The following MAP3K10 variants were observed in gnomAD, a reference collection of about 807,000 sequenced individuals.
MAP3K10 encodes the protein MKN28 derived nonreceptor_type serine/threonine kinase.
MAP3K10 carries 22 observed loss-of-function variants against 75.0 expected under a neutral mutation model. The observed-to-expected ratio is 0.29, with a 90% CI of 0.21 to 0.42. The LOEUF is 0.42. Among genes scored for constraint, MAP3K10 ranks in the 10% least tolerant of loss-of-function variants. The pLI is 1.00. For synonymous variants in MAP3K10, 599 were observed against 612.9 expected (o/e 0.98, Z 0.34); for missense variants, 1,165 against 1,379.8 (o/e 0.84, Z 2.47).
At position 40,213,914 on chromosome 19, in the gene MAP3K10, C is replaced by T. The variant is rs1453919423; in HGVS notation, c.2235C>T (p.Thr745=). ...GCCTGGGCCTGGCGCCCTCGGCCAC[C>T]CTCGTGTCGCTGTCGTCCGTGTCCG... ...GPGLGLAPSA[T]LVSLSSVSDC... Residue 745 remains threonine (T), a synonymous_variant, in exon 9 of 10, where the codon ACC becomes ACT. Coordinates refer to ENST00000253055, the MANE Select transcript of MAP3K10 (RefSeq NM_002446.4). This position sits in a 1 kb window ranked among gnomAD's most constrained non-coding sequence, Gnocchi z 5.7. The T allele has an allele frequency of 1.3e-6, 2 of 1,517,408 alleles. No individual in the cohort carries two copies. Among genetic ancestry groups the T allele is most frequent in the South Asian group, 1.2e-5 (1 of 81,430 alleles). 94.0% of individuals were successfully genotyped at this position (1,517,408 alleles called of 1,614,324 possible). A position where few individuals can be genotyped will look rare whatever the true frequency, so the allele number is the denominator to read the frequency against.
At chr19:40,197,128 A>G (rs981162689) in intron 1 of MAP3K10, among the ~76,000 whole-genome samples, 1 of 152,142 alleles carries the variant, frequency 6.6e-6, no homozygotes, top group Non-Finnish European at 1.5e-5. Flanking sequence ...GCTCAGCTGG[A>G]GAGGCTTTGC....
chr19:40,206,209 C>A (rs774321395), intron 5 of MAP3K10, 52 bp downstream of exon 5: 5 of 1,528,418 alleles, frequency 3.3e-6, no homozygotes, highest in Non-Finnish European at 4.4e-6. Context: ...GGGAGCAGCC[C>A]CGACCTAGGA....
At chr19:40,197,722 G>A (rs1057053069) in intron 1 of MAP3K10, among the ~76,000 whole-genome samples, 5 of 152,168 alleles carry the variant, frequency 3.3e-5, no homozygotes, top group South Asian at 4.1e-4. Flanking sequence ...AGTGTGCCAC[G>A]GGGGTGATAG....
chr19:40,198,257 C>T lies in MAP3K10; in HGVS notation c.683-118C>T, dbSNP rs971863188. ...GGCCAGGAAAGGACCTGCCACAGAG[C>T]GGGGCAGCCTGAGGCAGTGAGAGGA... is the stretch of plus-strand genomic sequence containing the variant. On this transcript the variant is annotated intron_variant, in intron 1 of 9. Transcript: ENST00000253055. This position sits in a 1 kb window ranked among gnomAD's most constrained non-coding sequence, Gnocchi z 4.3. 17 of 930,672 alleles carry T rather than the reference C, an allele frequency of 1.8e-5. No individual in the cohort carries two copies. The highest frequency in any genetic ancestry group is 5.0e-5 in the African/African-American group (3 of 60,246). The allele number at this position is 930,672 out of a possible 1,614,324, so 57.7% of individuals were successfully genotyped here.
chr19:40,192,434 C>T lies in MAP3K10; in HGVS notation c.403C>T (p.Pro135Ser). The T allele has an allele frequency of 6.2e-7, 1 of 1,614,050 alleles. No individual in the cohort carries two copies. The highest frequency in any genetic ancestry group is 1.7e-5 in the Admixed American group (1 of 60,030). The change falls in exon 1 of 10, where the codon CCG becomes TCG. Residue 135 changes from proline to serine, a missense_variant. Physicochemically the swap from Pro to Ser is moderately conservative, Grantham distance 74. Around this residue, in one of 2 missense-constraint regions of MAP3K10, gnomAD observed 575 missense variants for 793.2 expected, o/e 0.72. Transcript: ENST00000253055. The surrounding 1 kb of genome is among the most constrained non-coding windows in gnomAD (Gnocchi z 7.1). Reference protein sequence around the residue: ...KAARLDPEKDPAVTAEQVCQE... With the variant: ...KAARLDPEKDSAVTAEQVCQE... ...CGCCCGGCTGGACCCTGAGAAGGACCCGGCAGTGACAGCGGAGCAGGTGTG... is the reference window on the plus strand; with the variant it reads ...CGCCCGGCTGGACCCTGAGAAGGACTCGGCAGTGACAGCGGAGCAGGTGTG...
chr19:40,193,272 C>T (rs553648683), intron 1 of MAP3K10, among the ~76,000 whole-genome samples: 23 of 152,282 alleles, frequency 1.5e-4, no homozygotes, highest in African/African-American at 5.3e-4. Flanking sequence ...TGCAAATGTC[C>T]CCTGGGGGGC....
At chr19:40,194,995 G>A (rs1972879910) in intron 1 of MAP3K10, among the ~76,000 whole-genome samples, 1 of 152,174 alleles carries the variant, frequency 6.6e-6, no homozygotes, top group Non-Finnish European at 1.5e-5. Flanking sequence ...GCAGAGACCT[G>A]AACAAAGGGG....
chr19:40,199,164 A>G (rs1439459691), intron 2 of MAP3K10, among the ~76,000 whole-genome samples: 1 of 152,216 alleles, frequency 6.6e-6, no homozygotes, highest in African/African-American at 2.4e-5. Flanking sequence ...CCCATCTGTC[A>G]GACAGGAAAA....
At position 40,212,707 on chromosome 19, in the gene MAP3K10, C is replaced by T. The variant is rs950429791; in HGVS notation, c.1553-98C>T. 5 of 1,480,676 alleles carry T rather than the reference C, an allele frequency of 3.4e-6. No homozygotes were observed. The African/African-American group carries it at 7.0e-5, about 21-fold the overall frequency. The allele number at this position is 1,480,676 out of a possible 1,614,324, so 91.7% of individuals were successfully genotyped here. ...GGAGTTCAAAAGAGCCCTTGGACTC[C>T]CAGGCGGAGGGTGGGCCTGAGCTGG... On this transcript the variant is annotated intron_variant, in intron 6 of 9. Transcript: ENST00000253055. This position sits in a 1 kb window ranked among gnomAD's most constrained non-coding sequence, Gnocchi z 4.2.
chr19:40,192,569 G>C lies in MAP3K10; in HGVS notation c.538G>C (p.Gly180Arg). 1 of 1,613,466 alleles carries C rather than the reference G, an allele frequency of 6.2e-7. No individual in the cohort carries two copies. Among genetic ancestry groups the C allele is most frequent in the Non-Finnish European group, 8.5e-7 (1 of 1,179,910 alleles). The change falls in exon 1 of 10, where the codon GGT (glycine) becomes CGT (arginine). Residue 180 changes from glycine (G) to arginine (R), a missense_variant. By Grantham distance (125) the Gly-to-Arg change is moderately radical. This residue lies in a region of MAP3K10 where 575 missense variants were observed against 793.2 expected (regional missense o/e 0.72). Transcript: ENST00000253055. This position sits in a 1 kb window ranked among gnomAD's most constrained non-coding sequence, Gnocchi z 7.1. The part of the protein sequence containing the change: ...LCLVMEYARG[G>R]ALSRVLAGRR... Reference sequence around the variant, plus strand: ...CCTAGTGATGGAGTATGCCCGGGGTGGTGCACTGAGCAGGGTGCTGGCAGG... The same window carrying C: ...CCTAGTGATGGAGTATGCCCGGGGTCGTGCACTGAGCAGGGTGCTGGCAGG...
In MAP3K10 at chr19:40,215,056, C is replaced by T. The variant is rs201362143; in HGVS notation, c.2629C>T (p.Arg877Cys). Residue 877 changes from arginine (R) to cysteine (C), a missense_variant, in exon 10 of 10, where the codon CGC becomes TGC. Physicochemically the swap from Arg to Cys is radical, Grantham distance 180. Around this residue, in one of 2 missense-constraint regions of MAP3K10, gnomAD observed 590 missense variants for 586.6 expected, o/e 1.01. Coordinates refer to ENST00000253055, the MANE Select transcript of MAP3K10 (RefSeq NM_002446.4). ...ARRRPPEFPG[R>C]PTTLTFAPRP... Reference sequence around the variant, plus strand: ...CCGCCGGCCCCCTGAGTTCCCAGGCCGCCCCACCACCCTGACCTTTGCCCC... The same window carrying T: ...CCGCCGGCCCCCTGAGTTCCCAGGCTGCCCCACCACCCTGACCTTTGCCCC... 3.9e-4 allele frequency: 619 copies of T among 1,606,178 alleles called. No individual in the cohort carries two copies. The highest frequency in any genetic ancestry group is 4.4e-4 in the South Asian group (40 of 90,854).
rs1191528566 is a variant in MAP3K10, at chr19:40,192,099, C to T, written c.68C>T (p.Ala23Val). The T allele has an allele frequency of 6.4e-7, 1 of 1,550,990 alleles. No homozygotes were observed. The highest frequency in any genetic ancestry group is 2.0e-5 in the Admixed American group (1 of 50,132). ...ACCCCCGCGGGGCCCGTCTGGACCG[C>T]GGTGTTCGACTACGAGGCGGCGGGC... Reference protein sequence around the residue: ...GTTPAGPVWTAVFDYEAAGDE... With the variant: ...GTTPAGPVWTVVFDYEAAGDE... Residue 23 changes from alanine (A) to valine (V), a missense_variant, in exon 1 of 10, where the codon GCG becomes GTG. Transcript: ENST00000253055. This position sits in a 1 kb window ranked among gnomAD's most constrained non-coding sequence, Gnocchi z 7.1.
At chr19:40,208,354 T>TTTTC in intron 5 of MAP3K10, among the ~76,000 whole-genome samples, 1 of 101,252 alleles carries the variant, frequency 9.9e-6, no homozygotes, top group Non-Finnish European at 2.0e-5. Context: ...TCTTTTTTTT[T>TTTTC]TTTTTTTTTT....
At chr19:40,193,138 T>C (rs904429334) in intron 1 of MAP3K10, among the ~76,000 whole-genome samples, 2 of 152,126 alleles carry the variant, frequency 1.3e-5, no homozygotes, top group Admixed American at 6.5e-5. Flanking sequence ...CAGATCATTG[T>C]TGTAGGGGCT....
intron 2 of MAP3K10, among the ~76,000 whole-genome samples, chr19:40,202,315 C>G (rs1261254766): frequency 6.6e-6 from 1 of 152,228 alleles, no homozygotes; most frequent in Non-Finnish European, 1.5e-5. Context: ...GCTGGGATTA[C>G]AGGCGTGAGC....
At position 40,215,035 on chromosome 19, in the gene MAP3K10, C is replaced by A. The variant is rs752821013; in HGVS notation, c.2608C>A (p.Arg870=). ...CCAGGCCCTGTTCCCAGCCCGCCGC[C>A]GGCCCCCTGAGTTCCCAGGCCGCCC... ...DPQALFPARR[R]PPEFPGRPTT... is the part of the protein sequence containing the mutation. Residue 870 remains arginine, a synonymous_variant, in exon 10 of 10, where the codon CGG becomes AGG. Transcript: ENST00000253055. 1 of 1,602,960 alleles carries A rather than the reference C, an allele frequency of 6.2e-7. No individual in the cohort carries two copies. The highest frequency in any genetic ancestry group is 8.5e-7 in the Non-Finnish European group (1 of 1,173,578).
Position 40,213,714 on chromosome 19 carries a change from G to A in MAP3K10, c.2035G>A (p.Ala679Thr). ...CTGCGACCTGGCGCTGCTAGGCTGCGCCACGCTGCTGGGGGCTGTGGGCCT... is the reference window on the plus strand; with the variant it reads ...CTGCGACCTGGCGCTGCTAGGCTGCACCACGCTGCTGGGGGCTGTGGGCCT... The part of the protein sequence containing the change: ...RRCDLALLGC[A>T]TLLGAVGLGA... The change falls in exon 9 of 10, where the codon GCC becomes ACC. Residue 679 changes from alanine to threonine, a missense_variant. Physicochemically the swap from Ala to Thr is moderately conservative, Grantham distance 58 (BLOSUM62 0). This residue lies in a region of MAP3K10 where 590 missense variants were observed against 586.6 expected (regional missense o/e 1.01). Coordinates refer to ENST00000253055, the MANE Select transcript of MAP3K10 (RefSeq NM_002446.4). This position sits in a 1 kb window ranked among gnomAD's most constrained non-coding sequence, Gnocchi z 5.7. 9.3e-7 allele frequency: 1 copy of A among 1,076,152 alleles called. No homozygotes were observed. The allele number at this position is 1,076,152 out of a possible 1,614,324, so 66.7% of individuals were successfully genotyped here.
chr19:40,206,892 T>C (rs1295067270), intron 5 of MAP3K10, among the ~76,000 whole-genome samples: 2 of 152,134 alleles, frequency 1.3e-5, no homozygotes, highest in East Asian at 1.9e-4. Context: ...CTAGGAGTTC[T>C]AGAGCAGCCT....
Position 40,209,280 on chromosome 19 carries a change from G to A in MAP3K10, c.1552+61G>A, listed in dbSNP as rs1287124400. The A allele has an allele frequency of 1.1e-5, 15 of 1,362,694 alleles. No individual in the cohort carries two copies. The East Asian group carries it at 1.6e-4, about 15-fold the overall frequency. 84.4% of individuals were successfully genotyped at this position (1,362,694 alleles called of 1,614,324 possible). A position where few individuals can be genotyped will look rare whatever the true frequency, so the allele number is the denominator to read the frequency against. ...TCAGTGAACAAACATTTTTTAGCAC[G>A]ATGTTTATACCTGGCACCAAGCCAG... is the stretch of plus-strand genomic sequence containing the variant. On this transcript the variant is annotated intron_variant, in intron 6 of 9. Coordinates refer to ENST00000253055, the MANE Select transcript of MAP3K10 (RefSeq NM_002446.4).
Sources: gnomAD v4.1 joint callset for allele counts (sites outside exome capture counted in the v4.1 genomes callset) on GRCh38, gnomAD v4.1.1 for gene constraint, gnomAD v4.1.1 regional missense constraint, Gnocchi (gnomAD v3.1) non-coding constraint, MANE v1.5 for transcripts, NCBI Gene and HGNC (gene_info 2026-07-23, HGNC 2026-07-21) for gene names.